The following GALNTL6 variants were observed in gnomAD, a reference collection of about 807,000 sequenced individuals.
GALNTL6 encodes the protein polypeptide N-acetylgalactosaminyltransferase-like 6.
In GALNTL6, 46 loss-of-function variants were observed where a neutral mutation model predicts 73.7. That is an observed-to-expected ratio of 0.62 (90% CI 0.49 to 0.80). The LOEUF is 0.80. GALNTL6 is among the 30% of genes least tolerant of loss of function. GALNTL6 has a pLI of 0.00. For missense variants in GALNTL6, 604 were observed against 755.0 expected (o/e 0.80, Z 2.34); for synonymous variants, 259 against 263.7 (o/e 0.98, Z 0.17).
intron 5 of GALNTL6, among the ~76,000 whole-genome samples, chr4:172,488,722 G>T (rs2110738967): frequency 6.6e-6 from 1 of 151,996 alleles, no homozygotes; most frequent in Non-Finnish European, 1.5e-5. Context: ...AAGGGACATA[G>T]ACCTCCAACA....
intron 7 of GALNTL6, 40 bp downstream of exon 7, chr4:172,813,763 A>G: frequency 6.6e-7 from 1 of 1,512,032 alleles, no homozygotes; most frequent in Non-Finnish European, 9.1e-7. Flanking sequence ...GGGTGAGGGC[A>G]GGTAACTCAT....
chr4:172,642,484 C>A (rs534433725), intron 5 of GALNTL6, among the ~76,000 whole-genome samples: 45 of 151,866 alleles, frequency 3.0e-4, no homozygotes, highest in Non-Finnish European at 4.4e-4. Flanking sequence ...TGTAGAGAGA[C>A]AAATACTACA....
intron 5 of GALNTL6, among the ~76,000 whole-genome samples, chr4:172,542,740 A>C (rs1057015313): frequency 6.6e-6 from 1 of 152,138 alleles, no homozygotes; most frequent in Non-Finnish European, 1.5e-5. Flanking sequence ...TGTGGGACTT[A>C]GGATTTTGTT....
intron 5 of GALNTL6, among the ~76,000 whole-genome samples, chr4:172,474,166 T>C (rs1733150880): frequency 6.6e-6 from 1 of 152,124 alleles, no homozygotes; most frequent in African/African-American, 2.4e-5. Flanking sequence ...GAGTGCTCTT[T>C]TCTCAGATAT....
chr4:173,035,424 C>T (rs903486130), intron 12 of GALNTL6, among the ~76,000 whole-genome samples: 2 of 152,116 alleles, frequency 1.3e-5, no homozygotes, highest in African/African-American at 2.4e-5. Flanking sequence ...GTGATCCGCC[C>T]GCCTTGGCCT....
chr4:172,907,549 T>C (rs926213307), intron 8 of GALNTL6, among the ~76,000 whole-genome samples: 1 of 152,222 alleles, frequency 6.6e-6, no homozygotes, highest in Non-Finnish European at 1.5e-5. Flanking sequence ...CAAACTGCTT[T>C]TGCAAAATAC....
chr4:172,326,196 T>C (rs1445789069), intron 4 of GALNTL6, among the ~76,000 whole-genome samples: 1 of 151,950 alleles, frequency 6.6e-6, no homozygotes, highest in African/African-American at 2.4e-5. Flanking sequence ...TATATAGCAA[T>C]TTTAAGTTTT....
chr4:172,271,454 T>C (rs1738647220), intron 3 of GALNTL6, among the ~76,000 whole-genome samples: 1 of 152,106 alleles, frequency 6.6e-6, no homozygotes, highest in African/African-American at 2.4e-5. Flanking sequence ...TACATATATA[T>C]ATAGTTTGAT....
At chr4:172,769,454 G>A (rs976905615) in intron 5 of GALNTL6, among the ~76,000 whole-genome samples, 1 of 152,118 alleles carries the variant, frequency 6.6e-6, no homozygotes, top group Non-Finnish European at 1.5e-5. Flanking sequence ...TTAAGCCTGG[G>A]TAACTTGAGG....
intron 5 of GALNTL6, among the ~76,000 whole-genome samples, chr4:172,559,390 T>C (rs1736269264): frequency 1.3e-5 from 2 of 152,072 alleles, no homozygotes; most frequent in Non-Finnish European, 2.9e-5. Flanking sequence ...GTCATAGAAT[T>C]TTATGGATGC....
intron 3 of GALNTL6, among the ~76,000 whole-genome samples, chr4:172,257,513 G>A (rs1738122761): frequency 6.6e-6 from 1 of 151,278 alleles, no homozygotes; most frequent in African/African-American, 2.4e-5. Flanking sequence ...ATTATTCTTT[G>A]ATTTGTGCTC....
At chr4:172,971,430 C>T (rs909817869) in intron 10 of GALNTL6, among the ~76,000 whole-genome samples, 4 of 152,178 alleles carry the variant, frequency 2.6e-5, no homozygotes, top group African/African-American at 7.2e-5. Context: ...CTTGAAGAAG[C>T]TTGTTGCAGG....
rs534410045 is a variant in GALNTL6 at position 172,122,473 on chromosome 4, C to T, written c.139-107183C>T. Among the ~76,000 whole-genome samples, 9 of 152,246 alleles carry T rather than the reference C, an allele frequency of 5.9e-5. No individual in the cohort carries two copies. The South Asian group carries it at 1.0e-3, about 18-fold the overall frequency. ...TTCTGTGTGACCCATACATCAGGCACGAAACTTACCTCTTAGAATTCATCT... is the reference window on the plus strand; with the variant it reads ...TTCTGTGTGACCCATACATCAGGCATGAAACTTACCTCTTAGAATTCATCT... On this transcript the variant is annotated intron_variant, in intron 2 of 12. Coordinates refer to ENST00000506823, the MANE Select transcript of GALNTL6 (RefSeq NM_001034845.3).
In GALNTL6 at chr4:172,442,133, AG is replaced by A. The variant is rs1208017798; in HGVS notation, c.553+93446del. Among the ~76,000 whole-genome samples, 9 of 152,304 alleles carry A rather than the reference AG, an allele frequency of 5.9e-5. No individual in the cohort carries two copies. The East Asian group carries it at 1.7e-3, about 29-fold the overall frequency. ...AGTTGATGAAGATGTTTTGATCAAA[AG>A]GTCGCAGGATCCTAACCTTGTATTT... is the stretch of plus-strand genomic sequence containing the variant. On this transcript the variant is annotated intron_variant, in intron 5 of 12. Coordinates refer to ENST00000506823, the MANE Select transcript of GALNTL6 (RefSeq NM_001034845.3).
chr4:172,030,776 T>C (rs2110819679), intron 2 of GALNTL6, among the ~76,000 whole-genome samples: 1 of 151,634 alleles, frequency 6.6e-6, no homozygotes, highest in African/African-American at 2.4e-5. Flanking sequence ...TGTATGTATA[T>C]ATGCATATTA....
chr4:172,817,793 A>G (rs1026425736), intron 7 of GALNTL6, among the ~76,000 whole-genome samples: 1 of 152,204 alleles, frequency 6.6e-6, no homozygotes, highest in Non-Finnish European at 1.5e-5. Flanking sequence ...GCAGTAACTC[A>G]TCTTTAAAGT....
intron 2 of GALNTL6, among the ~76,000 whole-genome samples, chr4:172,014,799 T>C (rs1741134913): frequency 6.6e-6 from 1 of 152,122 alleles, no homozygotes; most frequent in Non-Finnish European, 1.5e-5. Context: ...TTTGATTTCA[T>C]TGTTGACCCA....
At chr4:172,001,913 C>G (rs936811621) in intron 2 of GALNTL6, among the ~76,000 whole-genome samples, 1 of 152,154 alleles carries the variant, frequency 6.6e-6, no homozygotes, top group African/African-American at 2.4e-5. Context: ...TGTCCCTGCT[C>G]TTTGCGATTT....
At chr4:172,926,775 C>T (rs1748083008) in intron 8 of GALNTL6, among the ~76,000 whole-genome samples, 1 of 152,222 alleles carries the variant, frequency 6.6e-6, no homozygotes, top group African/African-American at 2.4e-5. Context: ...ATTCTCCTCC[C>T]TCCCATTTCC....
Sources: allele counts gnomAD v4.1 joint callset (sites outside exome capture counted in the v4.1 genomes callset), GRCh38; gene constraint gnomAD v4.1.1; transcripts MANE v1.5; gene names NCBI Gene and HGNC (gene_info 2026-07-23, HGNC 2026-07-21).